Variants in GALNTL6 observed in about 807,000 individuals in gnomAD.
GALNTL6 encodes polypeptide N-acetylgalactosaminyltransferase-like 6.
Under a neutral mutation model 73.7 loss-of-function variants are expected in GALNTL6, and 46 were observed. The ratio of observed to expected loss-of-function variants is 0.62; its 90% CI spans 0.49 to 0.80. The LOEUF (loss-of-function observed/expected upper bound fraction) is 0.80. Ranked by LOEUF, GALNTL6 falls within the 30% of genes least tolerant of loss-of-function variation. The pLI is 0.00. For synonymous variants in GALNTL6, 259 were observed against 263.7 expected (o/e 0.98, Z 0.17); for missense variants, 604 against 755.0 (o/e 0.80, Z 2.34).
intron 4 of GALNTL6, among the ~76,000 whole-genome samples, chr4:172,330,667 G>C (rs2111180896): frequency 6.6e-6 from 1 of 152,240 alleles, no homozygotes; most frequent in South Asian, 2.1e-4. Context: ...AAGTAGTATA[G>C]TTTATTTGTT....
At chr4:172,641,516 C>G (rs984567767) in intron 5 of GALNTL6, among the ~76,000 whole-genome samples, 1 of 152,036 alleles carries the variant, frequency 6.6e-6, no homozygotes, top group Non-Finnish European at 1.5e-5. Flanking sequence ...CTGGCTACTA[C>G]TCGATCATTC....
chr4:172,951,967 C>A, intron 9 of GALNTL6, 70 bp from the exon 10 acceptor site: 1 of 1,289,332 alleles, frequency 7.8e-7, no homozygotes, highest in Non-Finnish European at 1.1e-6. Context: ...TTTTCAATTT[C>A]TGGTGCAACA....
intron 5 of GALNTL6, among the ~76,000 whole-genome samples, chr4:172,593,030 C>T (rs553031068): frequency 2.0e-5 from 3 of 152,144 alleles, no homozygotes; most frequent in East Asian, 1.9e-4. Flanking sequence ...GTGCTTCCCC[C>T]GGGTTGTGTG....
chr4:172,726,392 G>A (rs12108242), intron 5 of GALNTL6, among the ~76,000 whole-genome samples: 6,965 of 152,188 alleles, frequency 0.046, 295 homozygotes, highest in African/African-American at 0.11. Context: ...AAGTAAGCAT[G>A]TTAGTAAGAG....
chr4:171,959,137 G>C (rs2111043958), intron 2 of GALNTL6, among the ~76,000 whole-genome samples: 1 of 152,228 alleles, frequency 6.6e-6, no homozygotes. Context: ...TTGACGGCTT[G>C]TTACGTTTAA....
intron 5 of GALNTL6, among the ~76,000 whole-genome samples, chr4:172,443,317 C>T (rs1731908176): frequency 2.0e-5 from 3 of 150,934 alleles, no homozygotes; most frequent in African/African-American, 7.3e-5. Flanking sequence ...AGGTATGCCC[C>T]ACTATGCCCA....
At chr4:173,037,568 G>A (rs1753744856) in intron 12 of GALNTL6, among the ~76,000 whole-genome samples, 1 of 152,156 alleles carries the variant, frequency 6.6e-6, no homozygotes, top group African/African-American at 2.4e-5. Flanking sequence ...AGAAAATAAT[G>A]TTTGAAAAAA....
intron 2 of GALNTL6, among the ~76,000 whole-genome samples, chr4:171,964,408 G>A (rs1016328419): frequency 6.6e-6 from 1 of 151,994 alleles, no homozygotes; most frequent in African/African-American, 2.4e-5. Flanking sequence ...ATGTTTCAGT[G>A]TCTTCCAGTT....
At chr4:172,838,376 G>C (rs1743024641) in intron 7 of GALNTL6, among the ~76,000 whole-genome samples, 1 of 152,170 alleles carries the variant, frequency 6.6e-6, no homozygotes, top group South Asian at 2.1e-4. Context: ...CAGACACGCA[G>C]TGTGTCCACA....
intron 5 of GALNTL6, among the ~76,000 whole-genome samples, chr4:172,544,576 A>T (rs1561130667): frequency 6.6e-6 from 1 of 152,098 alleles, no homozygotes; most frequent in Non-Finnish European, 1.5e-5. Context: ...TTTCATACAT[A>T]TATATTATTT....
At chr4:172,236,356 G>A (rs892371243) in intron 3 of GALNTL6, among the ~76,000 whole-genome samples, 1 of 151,970 alleles carries the variant, frequency 6.6e-6, no homozygotes, top group African/African-American at 2.4e-5. Context: ...TGAGGAGATC[G>A]AGACCATGCT....
At chr4:171,986,274 AG>A (rs1182937067) in intron 2 of GALNTL6, among the ~76,000 whole-genome samples, 8 of 148,966 alleles carry the variant, frequency 5.4e-5, no homozygotes, top group African/African-American at 1.7e-4. Context: ...TTACAGTCAA[AG>A]GGGGGGTGTT....
intron 2 of GALNTL6, among the ~76,000 whole-genome samples, chr4:172,170,724 T>G (rs1734790255): frequency 6.6e-6 from 1 of 152,066 alleles, no homozygotes; most frequent in Non-Finnish European, 1.5e-5. Flanking sequence ...TTGGCCAGGC[T>G]GGTTTTGAAC....
chr4:172,463,603 C>T (rs1211302370), intron 5 of GALNTL6, among the ~76,000 whole-genome samples: 1 of 152,156 alleles, frequency 6.6e-6, no homozygotes, highest in African/African-American at 2.4e-5. Flanking sequence ...AACTAGGCTC[C>T]TGGAGTCCTT....
chr4:172,502,502 C>T lies in GALNTL6; in HGVS notation c.553+153813C>T, dbSNP rs538407595. Among the ~76,000 whole-genome samples the T allele has an allele frequency of 2.6e-5, 4 of 152,184 alleles. No individual in the cohort carries two copies. In the South Asian group the frequency reaches 8.3e-4, roughly 32 times the overall value. On this transcript the variant is annotated intron_variant, in intron 5 of 12. Transcript: ENST00000506823. ...ACTTTGGCTCATCTATTTGATCCTT[C>T]ATTCAAGGGATGATGAAACAGATTG... is the stretch of plus-strand genomic sequence containing the variant.
At chr4:172,904,582 A>G (rs1028402403) in intron 8 of GALNTL6, among the ~76,000 whole-genome samples, 1 of 152,100 alleles carries the variant, frequency 6.6e-6, no homozygotes, top group African/African-American at 2.4e-5. Context: ...TTCAGTGATG[A>G]GTCTGTTGGG....
intron 5 of GALNTL6, among the ~76,000 whole-genome samples, chr4:172,790,359 C>T (rs146272332): frequency 1.3e-5 from 2 of 152,254 alleles, no homozygotes; most frequent in East Asian, 1.9e-4. Flanking sequence ...TGTATGAGGT[C>T]ATACAGGTGG....
chr4:172,363,849 T>G (rs967172777), intron 5 of GALNTL6, among the ~76,000 whole-genome samples: 3 of 152,202 alleles, frequency 2.0e-5, no homozygotes, highest in African/African-American at 7.2e-5. Context: ...AATTTATTTC[T>G]TCGGTTCCTT....
At chr4:172,841,386 A>G (rs892511682) in intron 7 of GALNTL6, among the ~76,000 whole-genome samples, 2 of 152,190 alleles carry the variant, frequency 1.3e-5, no homozygotes, top group Non-Finnish European at 2.9e-5. Context: ...GTAAGTAGAG[A>G]GAATAAGACA....
Sources: gnomAD v4.1 joint callset for allele counts (sites outside exome capture counted in the v4.1 genomes callset) on GRCh38, gnomAD v4.1.1 for gene constraint, MANE v1.5 for transcripts, NCBI Gene and HGNC (gene_info 2026-07-23, HGNC 2026-07-21) for gene names.